The following CLNK variants were observed in gnomAD, a reference collection of about 807,000 sequenced individuals.
CLNK encodes cytokine-dependent hematopoietic cell linker.
In CLNK, 74 loss-of-function variants were observed where a neutral mutation model predicts 68.6. The observed-to-expected ratio is 1.08, with a 90% confidence interval of 0.89 to 1.31. The LOEUF is 1.31. Ranked by LOEUF, CLNK falls within the 50% of genes most tolerant of loss-of-function variation. CLNK has a pLI of 0.00. For missense variants in CLNK, 553 were observed against 515.3 expected (o/e 1.07, Z -0.71); for synonymous variants, 198 against 172.2 (o/e 1.15, Z -1.17).
intron 2 of CLNK, among the ~76,000 whole-genome samples, chr4:10,639,348 T>G (rs1315000562): frequency 6.6e-6 from 1 of 152,240 alleles, no homozygotes; most frequent in South Asian, 2.1e-4. Context: ...TTTGGCTCAT[T>G]GTGCAAAGCA....
At chr4:10,528,131 T>G in intron 12 of CLNK, 37 bp from the exon 13 acceptor site, 3 of 1,121,970 alleles carry the variant, frequency 2.7e-6, no homozygotes, top group Non-Finnish European at 2.3e-6. Flanking sequence ...TTACTGACTC[T>G]TGATGACAGA....
At chr4:10,706,675 T>C in the CLNK span, among the ~76,000 whole-genome samples, 2 of 151,954 alleles carry the variant, frequency 1.3e-5, no homozygotes, top group African/African-American at 4.8e-5. Context: ...ATATTGGGAG[T>C]TCTGTGGTCT....
chr4:10,616,802 A>G lies in CLNK; in HGVS notation c.12-18753T>C, dbSNP rs1177229150. 1.4e-4 allele frequency among the ~76,000 whole-genome samples: 11 copies of G among 81,024 alleles called. 1 individual carries two copies. The highest frequency in any genetic ancestry group is 4.6e-4 in the African/African-American group (10 of 21,896). The allele number at this position is 81,024 out of a possible 152,430, so 53.2% of individuals were successfully genotyped here. On this transcript the variant is annotated intron_variant, in intron 2 of 18. Transcript: ENST00000226951. ...TATGTGTGTGTGTGTATATATATATATATATATATATATATATATATACAC... is the reference window on the plus strand; with the variant it reads ...TATGTGTGTGTGTGTATATATATATGTATATATATATATATATATATACAC...
the CLNK span, among the ~76,000 whole-genome samples, chr4:10,699,262 TATACACACACACACACCACATAC>T: frequency 2.9e-5 from 1 of 34,654 alleles, no homozygotes; most frequent in Non-Finnish European, 7.5e-5. Context: ...CGTATGTGTG[TATACACACACACACACCACATAC>T]GTGTATACAC....
At chr4:10,638,346 T>G (rs190303612) in intron 2 of CLNK, among the ~76,000 whole-genome samples, 1 of 152,194 alleles carries the variant, frequency 6.6e-6, no homozygotes, top group South Asian at 2.1e-4. Flanking sequence ...GCTCTACTAA[T>G]AATTACTCTG....
chr4:10,537,585 A>ATCCCTCCCTCCCTGTCTTTC (rs1553848106), intron 11 of CLNK, among the ~76,000 whole-genome samples: 8 of 148,836 alleles, frequency 5.4e-5, no homozygotes, highest in South Asian at 4.4e-4. Context: ...TCCTCTCTTC[A>ATCCCTCCCTCCCTGTCTTTC]TCCCTCCCTC....
chr4:10,680,450 T>C (rs982155774), intron 1 of CLNK, among the ~76,000 whole-genome samples: 1 of 151,700 alleles, frequency 6.6e-6, no homozygotes, highest in Non-Finnish European at 1.5e-5. Flanking sequence ...CACACCAACA[T>C]GTCACATGTA....
intron 14 of CLNK, among the ~76,000 whole-genome samples, chr4:10,521,121 T>G (rs570387719): frequency 1.3e-5 from 2 of 152,338 alleles, no homozygotes; most frequent in South Asian, 4.1e-4. Flanking sequence ...AGCCATGAGT[T>G]TAAACTTGCT....
the CLNK span, among the ~76,000 whole-genome samples, chr4:10,734,241 G>A: frequency 6.6e-6 from 1 of 152,176 alleles, no homozygotes. Flanking sequence ...TGGGCTTCCT[G>A]ACACCAAACC....
At chr4:10,574,033 A>G (rs1044674898) in intron 4 of CLNK, among the ~76,000 whole-genome samples, 4 of 152,174 alleles carry the variant, frequency 2.6e-5, no homozygotes, top group Admixed American at 2.6e-4. Context: ...GGATCTGATT[A>G]CTTTTTTGTT....
chr4:10,544,391 A>G (rs1001030584), intron 8 of CLNK, among the ~76,000 whole-genome samples: 3 of 152,220 alleles, frequency 2.0e-5, no homozygotes, highest in Non-Finnish European at 2.9e-5. Flanking sequence ...GGGGTATAAC[A>G]CCAACAAATA....
chr4:10,688,865 C>A (rs1362881752), upstream of CLNK, among the ~76,000 whole-genome samples: 1 of 151,426 alleles, frequency 6.6e-6, no homozygotes, highest in East Asian at 1.9e-4. Flanking sequence ...TTATTTTAAC[C>A]TTTTAATTTT....
intron 2 of CLNK, among the ~76,000 whole-genome samples, chr4:10,648,590 A>T (rs1723604572): frequency 6.6e-6 from 1 of 152,142 alleles, no homozygotes; most frequent in Admixed American, 6.5e-5. Context: ...GATGGTGGAG[A>T]AAATTGGTAG....
chr4:10,613,008 AT>A (rs1188176431), intron 2 of CLNK, among the ~76,000 whole-genome samples: 2 of 152,180 alleles, frequency 1.3e-5, no homozygotes, highest in African/African-American at 2.4e-5. Context: ...CAACACATTT[AT>A]TTTTTTCTTA....
In CLNK at chr4:10,627,463, G is replaced by A. The variant is rs375349574; in HGVS notation, c.12-29414C>T. Among the ~76,000 whole-genome samples the A allele has an allele frequency of 6.6e-5, 10 of 152,050 alleles. No homozygotes were observed. The East Asian group carries it at 1.7e-3, about 26-fold the overall frequency. On this transcript the variant is annotated intron_variant, in intron 2 of 18. Coordinates refer to ENST00000226951, the MANE Select transcript of CLNK (RefSeq NM_052964.4). ...GTATGGTTACTTATTTAATATCATT[G>A]GCATTGGTTTCTACTTAGTAACATA...
At chr4:10,549,817 T>C (rs1349365901) in intron 8 of CLNK, among the ~76,000 whole-genome samples, 1 of 152,228 alleles carries the variant, frequency 6.6e-6, no homozygotes, top group Non-Finnish European at 1.5e-5. Context: ...CAGTTTTCTC[T>C]TGGAGAAGCC....
At chr4:10,678,257 G>A (rs959337975) in intron 1 of CLNK, among the ~76,000 whole-genome samples, 2 of 152,172 alleles carry the variant, frequency 1.3e-5, no homozygotes, top group Non-Finnish European at 2.9e-5. Flanking sequence ...ATGAGGCTAT[G>A]AGTGCTCATC....
intron 2 of CLNK, among the ~76,000 whole-genome samples, chr4:10,620,746 G>A (rs927045292): frequency 2.6e-5 from 4 of 152,094 alleles, no homozygotes; most frequent in African/African-American, 7.2e-5. Flanking sequence ...GTACAGTGAT[G>A]TAACTTCTGG....
At chr4:10,495,802 T>C (rs1473304241) in intron 18 of CLNK, among the ~76,000 whole-genome samples, 1 of 145,694 alleles carries the variant, frequency 6.9e-6, no homozygotes, top group Non-Finnish European at 1.5e-5. Flanking sequence ...GAGAGAGCGA[T>C]GAGGAGAAGG....
Sources: gnomAD v4.1 joint callset for allele counts (sites outside exome capture counted in the v4.1 genomes callset) on GRCh38, gnomAD v4.1.1 for gene constraint, MANE v1.5 for transcripts, NCBI Gene and HGNC (gene_info 2026-07-23, HGNC 2026-07-21) for gene names.